The following TXNDC11 variants were observed in gnomAD, a reference collection of about 807,000 sequenced individuals.
The protein encoded by TXNDC11 is thioredoxin domain containing 11, also known as thioredoxin domain-containing protein 11.
TXNDC11 carries 68 observed loss-of-function variants against 78.0 expected under a neutral mutation model. The observed-to-expected ratio is 0.87, with a 90% confidence interval of 0.72 to 1.07. The LOEUF (loss-of-function observed/expected upper bound fraction) is 1.07. Among genes scored for constraint, TXNDC11 ranks in the 50% least tolerant of loss-of-function variants. TXNDC11 has a pLI of 0.00. For missense variants in TXNDC11, 1,389 were observed against 1,221.8 expected (o/e 1.14, Z -2.04); for synonymous variants, 571 against 495.2 (o/e 1.15, Z -2.03).
chr16:11,724,793 TG>T (rs1205428166), intron 4 of TXNDC11, among the ~76,000 whole-genome samples: 3 of 152,174 alleles, frequency 2.0e-5, no homozygotes, highest in African/African-American at 7.2e-5. Context: ...TCGCCAAGGC[TG>T]GCGTGCAGTG....
chr16:11,685,259 G>C (rs2050534692), intron 10 of TXNDC11, among the ~76,000 whole-genome samples: 2 of 152,188 alleles, frequency 1.3e-5, no homozygotes, highest in African/African-American at 4.8e-5. Context: ...GGGAAGGTGG[G>C]AGAATCACCT....
At chr16:11,703,558 GGGAT>G in intron 5 of TXNDC11, 1 of 597,800 alleles carries the variant, frequency 1.7e-6, no homozygotes, top group Non-Finnish European at 3.1e-6. Context: ...GGAGAGAGAG[GGGAT>G]GGATAGAGAA....
chr16:11,733,074 T>C (rs1414269132), intron 3 of TXNDC11, among the ~76,000 whole-genome samples: 1 of 151,982 alleles, frequency 6.6e-6, no homozygotes, highest in Non-Finnish European at 1.5e-5. Context: ...CCTGGCAACA[T>C]GGTAAAACCC....
At chr16:11,699,117 T>G (rs1053275431) in intron 6 of TXNDC11, among the ~76,000 whole-genome samples, 1 of 152,214 alleles carries the variant, frequency 6.6e-6, no homozygotes, top group African/African-American at 2.4e-5. Context: ...AGATTTAAAT[T>G]GACTCATAAC....
chr16:11,723,907 T>C (rs1274734365), intron 4 of TXNDC11, among the ~76,000 whole-genome samples: 2 of 152,236 alleles, frequency 1.3e-5, no homozygotes, highest in African/African-American at 4.8e-5. Context: ...GGAAAGATTC[T>C]TAAAATATTT....
chr16:11,712,318 A>T (rs2051386673), intron 5 of TXNDC11, among the ~76,000 whole-genome samples: 1 of 152,044 alleles, frequency 6.6e-6, no homozygotes, highest in Non-Finnish European at 1.5e-5. Flanking sequence ...CAGCCCCATC[A>T]ACCTTCCACT....
chr16:11,700,970 C>A (rs2050997060), intron 5 of TXNDC11, among the ~76,000 whole-genome samples: 1 of 152,132 alleles, frequency 6.6e-6, no homozygotes, highest in Admixed American at 6.5e-5. Flanking sequence ...GACCACCCCA[C>A]CTAACAGCTA....
intron 8 of TXNDC11, chr16:11,688,651 G>T: frequency 2.1e-6 from 1 of 467,012 alleles, no homozygotes. Flanking sequence ...ACAGTAATGT[G>T]GATAACAAAA....
chr16:11,697,926 GAGGCTGCGGC>G (rs2050902086), intron 7 of TXNDC11, among the ~76,000 whole-genome samples, 189 bp downstream of exon 7: 1 of 152,236 alleles, frequency 6.6e-6, no homozygotes, highest in Non-Finnish European at 1.5e-5. Flanking sequence ...TATGGCCAGA[GAGGCTGCGGC>G]AGTCCCTGTC....
At chr16:11,711,501 C>T (rs971697900) in intron 5 of TXNDC11, among the ~76,000 whole-genome samples, 8 of 152,266 alleles carry the variant, frequency 5.3e-5, no homozygotes, top group South Asian at 2.1e-4. Context: ...GGTTTGTGGC[C>T]CTTTCCTCCT....
intron 5 of TXNDC11, among the ~76,000 whole-genome samples, chr16:11,709,644 C>G (rs960511183): frequency 1.5e-4 from 23 of 151,590 alleles, no homozygotes; most frequent in African/African-American, 5.3e-4. Flanking sequence ...ACCATGTTAG[C>G]CAGGATGGTC....
intron 5 of TXNDC11, among the ~76,000 whole-genome samples, chr16:11,707,686 T>C (rs553448981): frequency 7.2e-5 from 11 of 152,022 alleles, no homozygotes; most frequent in Non-Finnish European, 1.2e-4. Flanking sequence ...TGACCTCAAG[T>C]GATCTGCCTG....
Position 11,691,733 on chromosome 16 carries a change from G to A in TXNDC11, c.1457C>T (p.Ala486Val), listed in dbSNP as rs996520672. 2.5e-6 allele frequency: 4 copies of A among 1,614,080 alleles called. No individual in the cohort carries two copies. The African/African-American group carries it at 5.3e-5, about 22-fold the overall frequency. Reference protein sequence around the residue: ...YLKEQTFYHVASDSIECSNFL... With the variant: ...YLKEQTFYHVVSDSIECSNFL... Reference sequence around the variant, plus strand: ...ATTGCTGCATTCTATGCTGTCTGATGCCACATGATAAAAGGTCTGCTCCTT... The same window carrying A: ...ATTGCTGCATTCTATGCTGTCTGATACCACATGATAAAAGGTCTGCTCCTT... Residue 486 changes from alanine (A) to valine (V), a missense_variant, in exon 8 of 12, where the codon GCA (alanine) becomes GTA (valine). Coordinates refer to ENST00000283033, the MANE Select transcript of TXNDC11 (RefSeq NM_015914.7).
intron 10 of TXNDC11, among the ~76,000 whole-genome samples, chr16:11,686,284 G>A (rs2050566085): frequency 1.3e-5 from 2 of 152,140 alleles, no homozygotes; most frequent in South Asian, 2.1e-4. Context: ...TTTAAGAAGA[G>A]TTGTCATATA....
chr16:11,687,936 A>G lies in TXNDC11; in HGVS notation c.2074T>C (p.Cys692Arg), dbSNP rs1279714261. 1 of 1,613,934 alleles carries G rather than the reference A, an allele frequency of 6.2e-7. No homozygotes were observed. The highest frequency in any genetic ancestry group is 1.1e-5 in the South Asian group (1 of 91,060). Residue 692 changes from cysteine to arginine, a missense_variant, in exon 10 of 12, where the codon TGC (cysteine) becomes CGC (arginine). Coordinates refer to ENST00000283033, the MANE Select transcript of TXNDC11 (RefSeq NM_015914.7). ...TGATTGAGGGATGGACAGAAGCCGC[A>G]CCACGGAGCGTAATAGAGCAGGAGA... is the stretch of plus-strand genomic sequence containing the variant. Reference protein sequence around the residue: ...DVLLLYYAPWCGFCPSLNHIF... With the variant: ...DVLLLYYAPWRGFCPSLNHIF...
chr16:11,712,921 C>T (rs1018555375), intron 5 of TXNDC11, among the ~76,000 whole-genome samples: 3 of 136,246 alleles, frequency 2.2e-5, no homozygotes, highest in African/African-American at 9.4e-5. Context: ...AACCCCATTT[C>T]CACTTAAAAC....
intron 1 of TXNDC11, among the ~76,000 whole-genome samples, chr16:11,740,146 T>C: frequency 8.9e-6 from 1 of 111,880 alleles, no homozygotes; most frequent in East Asian, 2.8e-4. Flanking sequence ...TGAGCCAAGA[T>C]AAAAAAAAAA....
At chr16:11,732,452 C>T (rs916084822) in intron 3 of TXNDC11, among the ~76,000 whole-genome samples, 2 of 152,136 alleles carry the variant, frequency 1.3e-5, no homozygotes, top group Non-Finnish European at 2.9e-5. Context: ...AAGTACACCA[C>T]CTTACACTTA....
At chr16:11,683,408 G>A (rs2050482830) in intron 11 of TXNDC11, among the ~76,000 whole-genome samples, 1 of 152,198 alleles carries the variant, frequency 6.6e-6, no homozygotes, top group Admixed American at 6.5e-5. Flanking sequence ...GACGTGCCAT[G>A]GGTAAGAAAG....
Sources: allele counts gnomAD v4.1 joint callset (sites outside exome capture counted in the v4.1 genomes callset), GRCh38; gene constraint gnomAD v4.1.1; transcripts MANE v1.5; gene names NCBI Gene and HGNC (gene_info 2026-07-23, HGNC 2026-07-21).